DOCK8: variants seen among roughly 807,000 people sequenced by gnomAD.
DOCK8 encodes the protein dedicator of cytokinesis 8.
DOCK8 carries 141 observed loss-of-function variants against 245.6 expected under a neutral mutation model. The observed-to-expected ratio is 0.57, with a 90% CI of 0.50 to 0.66. The LOEUF is 0.66. Ranked by LOEUF, DOCK8 falls within the 30% of genes least tolerant of loss-of-function variation. The pLI, the probability that DOCK8 is intolerant of heterozygous loss-of-function variation, is 0.00. For missense variants in DOCK8, 2,965 were observed against 2,603.4 expected (o/e 1.14, Z -3.02); for synonymous variants, 1,168 against 970.2 (o/e 1.20, Z -3.79).
chr9:215,840 T>C (rs1428749718), intron 1 of DOCK8: 2 of 169,438 alleles, frequency 1.2e-5, no homozygotes, highest in African/African-American at 4.8e-5. Flanking sequence ...GACAAGTAAT[T>C]GGGACATTTT....
chr9:219,632 C>G (rs2046840154), intron 1 of DOCK8, among the ~76,000 whole-genome samples: 1 of 152,068 alleles, frequency 6.6e-6, no homozygotes, highest in East Asian at 1.9e-4. Flanking sequence ...CATGGTGGCT[C>G]ACACCTGTAA....
At chr9:448,021 T>A (rs1417948720) in intron 44 of DOCK8, among the ~76,000 whole-genome samples, 1 of 152,114 alleles carries the variant, frequency 6.6e-6, no homozygotes, top group Non-Finnish European at 1.5e-5. Flanking sequence ...ACCTTTTCTT[T>A]TCTTCATTCC....
chr9:432,452 A>G (rs1247472406), intron 37 of DOCK8, 128 bp downstream of exon 37: 12 of 917,192 alleles, frequency 1.3e-5, no homozygotes, highest in Middle Eastern at 2.6e-4. Context: ...TTATTGTCCA[A>G]TATGCATGTG....
intron 14 of DOCK8, among the ~76,000 whole-genome samples, chr9:343,791 T>G (rs537651565): frequency 6.6e-6 from 1 of 152,364 alleles, no homozygotes; most frequent in East Asian, 1.9e-4. Context: ...TTAGAAACTT[T>G]ATCCTATAAT....
At chr9:431,610 G>A (rs10814890) in intron 36 of DOCK8, among the ~76,000 whole-genome samples, 103,957 of 151,950 alleles carry the variant, frequency 0.68, 37,263 homozygotes, top group East Asian at 0.98. Context: ...CCAGGTTTAA[G>A]CAATTCTCCT....
chr9:234,080 A>C (rs1587631459), intron 1 of DOCK8, among the ~76,000 whole-genome samples: 1 of 152,090 alleles, frequency 6.6e-6, no homozygotes, highest in Non-Finnish European at 1.5e-5. Flanking sequence ...GAGCTCTTGT[A>C]GGGCAGGCCT....
At chr9:214,458 T>C, upstream of DOCK8, 1 of 1,578,616 alleles carries the variant, frequency 6.3e-7, no homozygotes, top group East Asian at 2.3e-5. Flanking sequence ...TTTGTCTTTT[T>C]TTTTGGCTGC....
At chr9:230,696 C>T (rs965087130) in intron 1 of DOCK8, among the ~76,000 whole-genome samples, 2 of 151,280 alleles carry the variant, frequency 1.3e-5, no homozygotes, top group African/African-American at 4.9e-5. Context: ...GCATAAATGT[C>T]TTCTTTTGAG....
At chr9:366,035 C>G (rs1470717184) in intron 14 of DOCK8, 2 of 188,778 alleles carry the variant, frequency 1.1e-5, no homozygotes, top group African/African-American at 4.7e-5. Context: ...TGAGTAGAAA[C>G]AGCCCTGCAG....
intron 28 of DOCK8, among the ~76,000 whole-genome samples, chr9:407,296 C>G (rs1200308999): frequency 1.3e-5 from 2 of 152,146 alleles, no homozygotes; most frequent in Non-Finnish European, 1.5e-5. Flanking sequence ...TACAAAATGA[C>G]TTTTCTTGGT....
In DOCK8 at chr9:464,553, C is replaced by T. The variant is rs541264537; in HGVS notation, c.*334C>T. On this transcript the variant is annotated 3_prime_UTR_variant, in exon 48 of 48. Coordinates refer to ENST00000432829, the MANE Select transcript of DOCK8 (RefSeq NM_203447.4). ...TCACTGCCCATCTGAGAGATGATTT[C>T]CTCTGGCCCATATTTGAATTTATTG... 1.5e-5 allele frequency: 6 copies of T among 387,378 alleles called. No homozygotes were observed. The East Asian group carries it at 3.1e-4, about 20-fold the overall frequency. 24.0% of individuals were successfully genotyped at this position (387,378 alleles called of 1,614,324 possible).
At chr9:365,877 C>G (rs1381579713) in intron 14 of DOCK8, 1 of 325,578 alleles carries the variant, frequency 3.1e-6, no homozygotes, top group African/African-American at 2.2e-5. Context: ...CCCCAACTGT[C>G]AACTGTCTTC....
intron 11 of DOCK8, among the ~76,000 whole-genome samples, chr9:334,972 A>G (rs1273109500): frequency 6.6e-6 from 1 of 152,000 alleles, no homozygotes; most frequent in Non-Finnish European, 1.5e-5. Flanking sequence ...AATCTCAGCT[A>G]CTCGGGAGGC....
intron 4 of DOCK8, among the ~76,000 whole-genome samples, chr9:298,082 G>A (rs1352366365): frequency 6.6e-6 from 1 of 152,142 alleles, no homozygotes; most frequent in African/African-American, 2.4e-5. Flanking sequence ...AAGAACAATA[G>A]CCAAATAAAT....
intron 14 of DOCK8, among the ~76,000 whole-genome samples, chr9:364,552 G>T (rs1467298310): frequency 6.6e-6 from 1 of 150,848 alleles, no homozygotes; most frequent in Non-Finnish European, 1.5e-5. Context: ...GAGGATCACT[G>T]GAGCCCAGGA....
At chr9:257,487 G>T (rs1482385326) in intron 1 of DOCK8, among the ~76,000 whole-genome samples, 1 of 152,028 alleles carries the variant, frequency 6.6e-6, no homozygotes, top group African/African-American at 2.4e-5. Flanking sequence ...CATCTGGAGG[G>T]CTTGTTTTTT....
intron 14 of DOCK8, among the ~76,000 whole-genome samples, chr9:367,593 A>G (rs934602672): frequency 1.3e-5 from 2 of 152,238 alleles, no homozygotes; most frequent in South Asian, 4.1e-4. Flanking sequence ...CCATGCCAGT[A>G]AGAAAAGGAA....
intron 7 of DOCK8, among the ~76,000 whole-genome samples, chr9:318,023 A>G (rs7028721): frequency 3.2e-4 from 49 of 152,068 alleles, no homozygotes; most frequent in African/African-American, 1.1e-3. Context: ...GTACTTTCAT[A>G]TTAAAATATT....
intron 31 of DOCK8, 102 bp from the exon 32 acceptor site, chr9:420,847 C>G (rs2056245705): frequency 6.6e-7 from 1 of 1,518,352 alleles, no homozygotes; most frequent in Non-Finnish European, 9.1e-7. Context: ...AAGCACATGT[C>G]AAACTTAGCT....
Sources: gnomAD v4.1 joint callset for allele counts (sites outside exome capture counted in the v4.1 genomes callset) on GRCh38, gnomAD v4.1.1 for gene constraint, MANE v1.5 for transcripts, NCBI Gene and HGNC (gene_info 2026-07-23, HGNC 2026-07-21) for gene names.